The following CA10 variants were observed in gnomAD, a reference collection of about 807,000 sequenced individuals.
CA10 encodes the protein carbonic anhydrase 10 (inactive), also known as carbonic anhydrase-related protein 10.
In CA10, 14 loss-of-function variants were observed where a neutral mutation model predicts 44.2. The ratio of observed to expected loss-of-function variants is 0.32; its 90% CI spans 0.21 to 0.50. The LOEUF is 0.50. CA10 is among the 20% of genes least tolerant of loss of function. The probability of loss-of-function intolerance (pLI) is 0.99; values close to 1 mark genes in which losing one functional copy is unlikely to be tolerated. For missense variants in CA10, 350 were observed against 409.7 expected, an observed-to-expected ratio of 0.85 and a Z score of 1.26; for synonymous variants, 159 against 141.6, an observed-to-expected ratio of 1.12 and a Z score of -0.87.
intron 1 of CA10, among the ~76,000 whole-genome samples, chr17:52,156,077 C>T (rs1010494045): frequency 1.3e-5 from 2 of 152,162 alleles, no homozygotes; most frequent in African/African-American, 4.8e-5. Flanking sequence ...AATGTTAACC[C>T]TTTATAAATC....
intron 3 of CA10, among the ~76,000 whole-genome samples, chr17:51,849,211 ATATATATACATATATGTGTGTG>A (rs1567860399): frequency 5.2e-4 from 25 of 48,244 alleles, no homozygotes; most frequent in African/African-American, 1.7e-3. Flanking sequence ...ATATGTATAT[ATATATATACATATATGTGTGTG>A]TATATATATA....
intron 3 of CA10, among the ~76,000 whole-genome samples, chr17:51,824,370 G>A (rs1907931333): frequency 1.3e-5 from 2 of 152,182 alleles, no homozygotes; most frequent in South Asian, 4.2e-4. Flanking sequence ...GCTGGTGTGG[G>A]GAAGAGAGGC....
intron 3 of CA10, among the ~76,000 whole-genome samples, chr17:51,881,033 C>G (rs1394912265): frequency 6.6e-6 from 1 of 151,644 alleles, no homozygotes; most frequent in African/African-American, 2.4e-5. Flanking sequence ...GTCAGGAGAT[C>G]GAGACCATCC....
chr17:51,981,754 C>T (rs1410165704), intron 2 of CA10, among the ~76,000 whole-genome samples: 1 of 152,042 alleles, frequency 6.6e-6, no homozygotes, highest in African/African-American at 2.4e-5. Context: ...CATTTAATTT[C>T]TTTTCTCCCC....
intron 3 of CA10, among the ~76,000 whole-genome samples, chr17:51,930,057 G>A (rs1567889394): frequency 6.6e-6 from 1 of 152,046 alleles, no homozygotes; most frequent in Admixed American, 6.6e-5. Context: ...ACATCAGAAG[G>A]GGAAAAAGTT....
chr17:52,088,873 C>A (rs1223395631), intron 1 of CA10, among the ~76,000 whole-genome samples: 1 of 152,182 alleles, frequency 6.6e-6, no homozygotes, highest in Non-Finnish European at 1.5e-5. Flanking sequence ...ACATCCTTAA[C>A]TTTCAGAAAA....
chr17:51,984,900 C>T (rs999738257), intron 2 of CA10, among the ~76,000 whole-genome samples: 16 of 151,872 alleles, frequency 1.1e-4, no homozygotes, highest in East Asian at 5.8e-4. Flanking sequence ...CAAGACCACA[C>T]GGATTCACAG....
chr17:52,045,655 A>G (rs1986893257), intron 2 of CA10, among the ~76,000 whole-genome samples: 1 of 152,022 alleles, frequency 6.6e-6, no homozygotes, highest in Non-Finnish European at 1.5e-5. Flanking sequence ...ATCCACAAGG[A>G]TAATTGGAGA....
At chr17:51,725,386 T>C (rs1205339673) in intron 4 of CA10, among the ~76,000 whole-genome samples, 2 of 152,224 alleles carry the variant, frequency 1.3e-5, no homozygotes, top group African/African-American at 4.8e-5. Flanking sequence ...TTAGTTTCAC[T>C]AAATGTCAAG....
At chr17:52,001,976 C>T (rs79669313) in intron 2 of CA10, among the ~76,000 whole-genome samples, 4,388 of 151,822 alleles carry the variant, frequency 0.029, 78 homozygotes, top group South Asian at 0.058. Flanking sequence ...CTTTCTAGGT[C>T]AAAAATAAGG....
chr17:51,796,487 G>C (rs931597368), intron 3 of CA10, among the ~76,000 whole-genome samples: 1 of 152,190 alleles, frequency 6.6e-6, no homozygotes, highest in African/African-American at 2.4e-5. Context: ...GGGTGGGGGA[G>C]ATAGGGAAGA....
intron 2 of CA10, among the ~76,000 whole-genome samples, chr17:51,971,562 A>C (rs945936992): frequency 6.6e-6 from 1 of 151,390 alleles, no homozygotes; most frequent in Non-Finnish European, 1.5e-5. Flanking sequence ...TACTTGCTTA[A>C]TCAGGACTTG....
intron 3 of CA10, among the ~76,000 whole-genome samples, chr17:51,929,464 C>T (rs1982563421): frequency 6.6e-6 from 1 of 152,168 alleles, no homozygotes; most frequent in Admixed American, 6.6e-5. Context: ...CCTCTCTTCG[C>T]TCCCTGTGTT....
intron 1 of CA10, among the ~76,000 whole-genome samples, chr17:52,116,002 GA>G (rs1988886937): frequency 6.6e-6 from 1 of 151,714 alleles, no homozygotes; most frequent in Non-Finnish European, 1.5e-5. Flanking sequence ...TGAGTCAGGA[GA>G]ATCACTTGAA....
intron 3 of CA10, among the ~76,000 whole-genome samples, chr17:51,921,888 G>A (rs1982248583): frequency 6.6e-6 from 1 of 152,142 alleles, no homozygotes; most frequent in Admixed American, 6.5e-5. Flanking sequence ...TGCCTTTTGG[G>A]TTTGGGGTAC....
At chr17:51,804,812 C>G (rs1907066882) in intron 3 of CA10, among the ~76,000 whole-genome samples, 1 of 152,132 alleles carries the variant, frequency 6.6e-6, no homozygotes, top group African/African-American at 2.4e-5. Flanking sequence ...TGTTTTATTA[C>G]CTTAGAGAAT....
intron 1 of CA10, among the ~76,000 whole-genome samples, chr17:52,126,099 T>C (rs1989112768): frequency 6.6e-6 from 1 of 152,230 alleles, no homozygotes; most frequent in Non-Finnish European, 1.5e-5. Context: ...ATATACAATG[T>C]AATATATACT....
chr17:51,763,770 C>G (rs1905279542), intron 3 of CA10, among the ~76,000 whole-genome samples: 5 of 152,016 alleles, frequency 3.3e-5, no homozygotes, highest in Admixed American at 3.3e-4. Flanking sequence ...GCAGAGTAAC[C>G]TTTCCTTCTT....
chr17:51,968,049 G>C (rs749702113), intron 2 of CA10, among the ~76,000 whole-genome samples: 1 of 151,774 alleles, frequency 6.6e-6, no homozygotes, highest in African/African-American at 2.4e-5. Context: ...AGAGAGGAAA[G>C]TCAGAGACAT....
Sources: gnomAD v4.1 joint callset for allele counts (sites outside exome capture counted in the v4.1 genomes callset) on GRCh38, gnomAD v4.1.1 for gene constraint, MANE v1.5 for transcripts, NCBI Gene and HGNC (gene_info 2026-07-23, HGNC 2026-07-21) for gene names.